SLC9A9: variants seen among roughly 807,000 people sequenced by gnomAD.
The protein encoded by SLC9A9 is solute carrier family 9 member A9.
Under a neutral mutation model 77.8 loss-of-function variants are expected in SLC9A9, and 62 were observed. That is an observed-to-expected ratio of 0.80 (90% confidence interval 0.65 to 0.98). The LOEUF (loss-of-function observed/expected upper bound fraction) is 0.98. SLC9A9 is among the 50% of genes least tolerant of loss of function. The pLI is 0.00. For synonymous variants in SLC9A9, 320 were observed against 283.5 expected (o/e 1.13, Z -1.29); for missense variants, 775 against 774.9 (o/e 1.00, Z 0.00).
intron 6 of SLC9A9, among the ~76,000 whole-genome samples, chr3:143,616,501 A>C (rs2108706229): frequency 6.6e-6 from 1 of 152,284 alleles, no homozygotes; most frequent in South Asian, 2.1e-4. Flanking sequence ...TTATCACTGG[A>C]TTATGGCATT....
At chr3:143,436,522 A>G (rs1218396038) in intron 12 of SLC9A9, among the ~76,000 whole-genome samples, 3 of 152,156 alleles carry the variant, frequency 2.0e-5, no homozygotes, top group Admixed American at 1.3e-4. Flanking sequence ...GTCCCTTCCA[A>G]TTTGGTCAGA....
chr3:143,342,674 C>T (rs771657175), intron 14 of SLC9A9, among the ~76,000 whole-genome samples: 4 of 152,172 alleles, frequency 2.6e-5, no homozygotes, highest in Non-Finnish European at 5.9e-5. Flanking sequence ...TTAGGCAATG[C>T]TTGTAGACAC....
intron 14 of SLC9A9, among the ~76,000 whole-genome samples, chr3:143,339,875 T>C (rs1273826229): frequency 1.3e-5 from 2 of 152,198 alleles, no homozygotes; most frequent in Non-Finnish European, 2.9e-5. Context: ...CAACTCCTTC[T>C]GTAAAAGGAT....
intron 4 of SLC9A9, among the ~76,000 whole-genome samples, chr3:143,774,159 C>T (rs935620029): frequency 3.9e-5 from 6 of 152,178 alleles, no homozygotes; most frequent in Admixed American, 6.5e-5. Flanking sequence ...TATGCTACTA[C>T]GTAGCATCCA....
intron 12 of SLC9A9, among the ~76,000 whole-genome samples, chr3:143,385,325 G>A (rs1159020630): frequency 6.6e-6 from 1 of 151,822 alleles, no homozygotes; most frequent in African/African-American, 2.4e-5. Flanking sequence ...AAATATTATA[G>A]AAAGGCTTAC....
At chr3:143,819,694 T>C (rs1181883622) in intron 2 of SLC9A9, among the ~76,000 whole-genome samples, 1 of 152,228 alleles carries the variant, frequency 6.6e-6, no homozygotes, top group Non-Finnish European at 1.5e-5. Context: ...AAGTTTAGGA[T>C]TTGACTTCCT....
At chr3:143,635,538 A>T (rs1482675551) in intron 6 of SLC9A9, among the ~76,000 whole-genome samples, 1 of 151,846 alleles carries the variant, frequency 6.6e-6, no homozygotes, top group Non-Finnish European at 1.5e-5. Flanking sequence ...ACAGAGAAAA[A>T]CCCCCGAAGT....
At chr3:143,640,598 C>T (rs527662802) in intron 6 of SLC9A9, among the ~76,000 whole-genome samples, 1 of 151,974 alleles carries the variant, frequency 6.6e-6, no homozygotes, top group Admixed American at 6.6e-5. Context: ...TGGTGGCTCA[C>T]AACTGTAATC....
At chr3:143,477,598 C>A (rs1222793226) in intron 11 of SLC9A9, among the ~76,000 whole-genome samples, 3 of 152,058 alleles carry the variant, frequency 2.0e-5, no homozygotes, top group African/African-American at 4.8e-5. Flanking sequence ...CAAACCCCAC[C>A]CAGTTCCATT....
chr3:143,587,587 G>A (rs184107729), intron 6 of SLC9A9, among the ~76,000 whole-genome samples: 218 of 71,822 alleles, frequency 3.0e-3, no homozygotes, highest in African/African-American at 0.02. Flanking sequence ...GGCTGGAGCC[G>A]GGCCAGGGCC....
At chr3:143,545,445 C>T (rs1438135995) in intron 9 of SLC9A9, among the ~76,000 whole-genome samples, 4 of 152,186 alleles carry the variant, frequency 2.6e-5, no homozygotes, top group Non-Finnish European at 5.9e-5. Flanking sequence ...ATATTAGGAC[C>T]TCCAAAGGAC....
intron 12 of SLC9A9, among the ~76,000 whole-genome samples, chr3:143,406,755 C>A (rs1576476470): frequency 6.6e-6 from 1 of 152,038 alleles, no homozygotes; most frequent in East Asian, 1.9e-4. Flanking sequence ...GCCGGGAGAT[C>A]ACCTAAGGTC....
intron 12 of SLC9A9, among the ~76,000 whole-genome samples, chr3:143,413,807 T>TACGTGCGTGCGC (rs2034142131): frequency 1.4e-5 from 2 of 148,142 alleles, no homozygotes; most frequent in Non-Finnish European, 3.0e-5. Flanking sequence ...TGTGTGTGTG[T>TACGTGCGTGCGC]ACGTGCGTGC....
chr3:143,412,285 C>T (rs556595242), intron 12 of SLC9A9, among the ~76,000 whole-genome samples: 28 of 152,132 alleles, frequency 1.8e-4, no homozygotes, highest in African/African-American at 9.6e-5. Flanking sequence ...TGTTGGCCCC[C>T]GAGAAGGAAG....
intron 7 of SLC9A9, among the ~76,000 whole-genome samples, chr3:143,578,337 G>A (rs965609000): frequency 1.3e-5 from 2 of 152,100 alleles, no homozygotes; most frequent in Non-Finnish European, 2.9e-5. Context: ...GATGTCCTAG[G>A]ATCAGATAGT....
intron 4 of SLC9A9, among the ~76,000 whole-genome samples, chr3:143,732,002 G>A (rs1013645464): frequency 7.2e-5 from 11 of 152,250 alleles, no homozygotes; most frequent in Non-Finnish European, 1.2e-4. Flanking sequence ...AGTCTGGTTC[G>A]GTGTCAGCAC....
At chr3:143,748,029 G>C (rs748478392) in intron 4 of SLC9A9, among the ~76,000 whole-genome samples, 1 of 152,210 alleles carries the variant, frequency 6.6e-6, no homozygotes, top group South Asian at 2.1e-4. Flanking sequence ...GATTGAGCCA[G>C]AGTGGATTAG....
At chr3:143,378,047 C>T (rs1005110818) in intron 13 of SLC9A9, among the ~76,000 whole-genome samples, 1 of 152,222 alleles carries the variant, frequency 6.6e-6, no homozygotes, top group African/African-American at 2.4e-5. Flanking sequence ...TGATCAAATG[C>T]CACTTCTACC....
At chr3:143,426,975 C>T (rs2034418625) in intron 12 of SLC9A9, among the ~76,000 whole-genome samples, 1 of 152,210 alleles carries the variant, frequency 6.6e-6, no homozygotes, top group African/African-American at 2.4e-5. Context: ...CCAGAGCCCA[C>T]ACTTAACAGC....
Sources: allele counts gnomAD v4.1 joint callset (sites outside exome capture counted in the v4.1 genomes callset), GRCh38; gene constraint gnomAD v4.1.1; transcripts MANE v1.5; gene names NCBI Gene and HGNC (gene_info 2026-07-23, HGNC 2026-07-21).